MAPK10: variants seen among roughly 807,000 people sequenced by gnomAD.
MAPK10 encodes JNK3 alpha protein kinase.
MAPK10 carries 25 observed loss-of-function variants against 59.3 expected under a neutral mutation model. That is an observed-to-expected ratio of 0.42 (90% confidence interval 0.31 to 0.59). MAPK10 has a LOEUF of 0.59. Among genes scored for constraint, MAPK10 ranks in the 20% least tolerant of loss-of-function variants. The pLI is 0.15. For missense variants in MAPK10, 351 were observed against 568.9 expected (o/e 0.62, Z 3.90); for synonymous variants, 190 against 200.5 (o/e 0.95, Z 0.44).
chr4:86,327,138 C>CTT (rs11404211), intron 2 of MAPK10: 5,682 of 139,808 alleles, frequency 0.041, 165 homozygotes, highest in Middle Eastern at 0.076. Context: ...ACCCAGCTAA[C>CTT]TTTTTTTTTT....
intron 2 of MAPK10, among the ~76,000 whole-genome samples, chr4:86,296,101 G>A (rs553809592): frequency 6.1e-4 from 93 of 151,430 alleles, no homozygotes; most frequent in Non-Finnish European, 6.3e-4. Context: ...GCTTGAACCC[G>A]GGAGGCGGAG....
chr4:86,489,681 G>A (rs1754308630), intron 1 of MAPK10, among the ~76,000 whole-genome samples: 1 of 152,060 alleles, frequency 6.6e-6, no homozygotes, highest in African/African-American at 2.4e-5. Flanking sequence ...AGGAACAAAA[G>A]CACCCATCAT....
At chr4:86,073,877 T>A (rs1295396983) in intron 9 of MAPK10, among the ~76,000 whole-genome samples, 8 of 116,214 alleles carry the variant, frequency 6.9e-5, no homozygotes, top group Admixed American at 3.4e-4. Flanking sequence ...TCTGTTGATT[T>A]GGGGTGGTGA....
chr4:86,536,160 T>C (rs1032335019), intron 1 of MAPK10, among the ~76,000 whole-genome samples: 1 of 152,226 alleles, frequency 6.6e-6, no homozygotes, highest in African/African-American at 2.4e-5. Flanking sequence ...TAGTGTTGCA[T>C]AGAAAAGCAT....
At chr4:86,493,770 G>C (rs761461165) in intron 1 of MAPK10, among the ~76,000 whole-genome samples, 1 of 152,138 alleles carries the variant, frequency 6.6e-6, no homozygotes, top group South Asian at 2.1e-4. Flanking sequence ...ATCCCTGCTT[G>C]CCTGGAGGTT....
chr4:86,169,216 A>G (rs1220411773), intron 3 of MAPK10, among the ~76,000 whole-genome samples: 1 of 152,250 alleles, frequency 6.6e-6, no homozygotes, highest in Non-Finnish European at 1.5e-5. Context: ...TGGACAGAGA[A>G]TGACTTTGAC....
chr4:86,172,690 A>G (rs1223984190), intron 3 of MAPK10, among the ~76,000 whole-genome samples: 1 of 151,820 alleles, frequency 6.6e-6, no homozygotes. Flanking sequence ...TAACCTGCAC[A>G]TTGTGCACAT....
At chr4:86,141,723 C>T (rs2063690413) in intron 4 of MAPK10, among the ~76,000 whole-genome samples, 1 of 152,014 alleles carries the variant, frequency 6.6e-6, no homozygotes, top group Non-Finnish European at 1.5e-5. Context: ...TAAAATGTAG[C>T]CTATAAGTTT....
intron 1 of MAPK10, among the ~76,000 whole-genome samples, chr4:86,499,826 G>A (rs1355141935): frequency 2.0e-5 from 3 of 152,198 alleles, no homozygotes; most frequent in Non-Finnish European, 4.4e-5. Context: ...AAGACAAACA[G>A]CTGAAGTATG....
At chr4:86,468,945 A>G (rs145449864) in intron 1 of MAPK10, among the ~76,000 whole-genome samples, 5 of 152,302 alleles carry the variant, frequency 3.3e-5, no homozygotes, top group South Asian at 2.1e-4. Context: ...AGAATTCCCA[A>G]TTGACCAGGC....
intron 9 of MAPK10, among the ~76,000 whole-genome samples, chr4:86,091,699 G>C (rs2053219646): frequency 1.3e-5 from 2 of 150,876 alleles, no homozygotes; most frequent in Non-Finnish European, 3.0e-5. Context: ...CTTTGAGCCA[G>C]TGTCTAGCTC....
At chr4:86,433,451 A>C (rs1211532745) in intron 1 of MAPK10, among the ~76,000 whole-genome samples, 1 of 151,664 alleles carries the variant, frequency 6.6e-6, no homozygotes, top group Non-Finnish European at 1.5e-5. Flanking sequence ...CTGTGGAATT[A>C]TCCTGAAACT....
At chr4:86,487,802 A>G (rs1449891572) in intron 1 of MAPK10, among the ~76,000 whole-genome samples, 1 of 152,088 alleles carries the variant, frequency 6.6e-6, no homozygotes, top group African/African-American at 2.4e-5. Flanking sequence ...CAACCTTTCT[A>G]TAAGTTTAAA....
intron 2 of MAPK10, among the ~76,000 whole-genome samples, chr4:86,286,222 T>C (rs1018788483): frequency 5.9e-5 from 9 of 152,188 alleles, no homozygotes; most frequent in African/African-American, 1.9e-4. Context: ...TACAGAGCAA[T>C]AGATTATCAC....
At chr4:86,165,617 T>TCTTGA (rs1431354791) in intron 3 of MAPK10, among the ~76,000 whole-genome samples, 16 of 139,874 alleles carry the variant, frequency 1.1e-4, no homozygotes, top group Non-Finnish European at 2.5e-4. Flanking sequence ...CCCAGGCTGG[T>TCTTGA]CTTGAACTCC....
intron 2 of MAPK10, among the ~76,000 whole-genome samples, chr4:86,345,851 T>C (rs1467682808): frequency 6.6e-6 from 1 of 152,250 alleles, no homozygotes; most frequent in Non-Finnish European, 1.5e-5. Flanking sequence ...AATGTGGTTT[T>C]AGTACCTATG....
intron 2 of MAPK10, among the ~76,000 whole-genome samples, chr4:86,222,932 G>T (rs1428832070): frequency 6.6e-6 from 1 of 152,080 alleles, no homozygotes; most frequent in African/African-American, 2.4e-5. Context: ...AGTTCACAAA[G>T]AAAAAATGTG....
chr4:86,433,555 C>CTTTTT (rs574706672), intron 1 of MAPK10, among the ~76,000 whole-genome samples: 132 of 97,614 alleles, frequency 1.4e-3, no homozygotes, highest in African/African-American at 1.8e-3. Context: ...GGGCCTTCTT[C>CTTTTT]TTTTTTTTTT....
chr4:86,382,048 C>T (rs1315368259), intron 1 of MAPK10, among the ~76,000 whole-genome samples: 2 of 152,122 alleles, frequency 1.3e-5, no homozygotes, highest in Non-Finnish European at 2.9e-5. Context: ...CAGGGCTATC[C>T]TGAGCACTGT....
Sources: allele counts gnomAD v4.1 joint callset (sites outside exome capture counted in the v4.1 genomes callset), GRCh38; gene constraint gnomAD v4.1.1; transcripts MANE v1.5; gene names NCBI Gene and HGNC (gene_info 2026-07-23, HGNC 2026-07-21).